The following NCEH1 variants were observed in gnomAD, a reference collection of about 807,000 sequenced individuals.
The protein encoded by NCEH1 is neutral cholesterol ester hydrolase 1.
In NCEH1, 9 loss-of-function variants were observed where a neutral mutation model predicts 25.4. The ratio of observed to expected loss-of-function variants is 0.35; its 90% CI spans 0.21 to 0.62. The LOEUF (loss-of-function observed/expected upper bound fraction) is 0.62. Among genes scored for constraint, NCEH1 ranks in the 20% least tolerant of loss-of-function variants. The pLI, the probability that NCEH1 is intolerant of heterozygous loss-of-function variation, is 0.72. For synonymous variants in NCEH1, 200 were observed against 199.8 expected (o/e 1.00, Z -0.01); for missense variants, 412 against 501.1 (o/e 0.82, Z 1.70).
At chr3:172,669,394 AG>A (rs1718380082) in intron 1 of NCEH1, among the ~76,000 whole-genome samples, 1 of 152,234 alleles carries the variant, frequency 6.6e-6, no homozygotes, top group East Asian at 1.9e-4. Flanking sequence ...ATTTGCCCTA[AG>A]GAAGTAGAAC....
chr3:172,653,711 T>G (rs1717520441), intron 1 of NCEH1, among the ~76,000 whole-genome samples: 1 of 135,598 alleles, frequency 7.4e-6, no homozygotes, highest in Non-Finnish European at 1.6e-5. Context: ...GAAAGTGGTT[T>G]GTTTTTGTTG....
chr3:172,708,441 C>T (rs773448969), intron 1 of NCEH1, among the ~76,000 whole-genome samples: 6 of 152,132 alleles, frequency 3.9e-5, no homozygotes, highest in Admixed American at 1.3e-4. Context: ...ACGCAACCTC[C>T]GCCTCCCAGG....
chr3:172,669,163 C>A (rs566136469), intron 1 of NCEH1, among the ~76,000 whole-genome samples: 2 of 152,180 alleles, frequency 1.3e-5, no homozygotes, highest in Non-Finnish European at 2.9e-5. Context: ...CGTTTTGATT[C>A]AACTTCTCAT....
intron 1 of NCEH1, among the ~76,000 whole-genome samples, chr3:172,668,669 C>T (rs1718344655): frequency 6.6e-6 from 1 of 151,740 alleles, no homozygotes; most frequent in Non-Finnish European, 1.5e-5. Context: ...TGAATTGACA[C>T]CAATGCTTTC....
intron 1 of NCEH1, among the ~76,000 whole-genome samples, chr3:172,675,940 C>T (rs755546214): frequency 4.6e-5 from 7 of 152,104 alleles, no homozygotes; most frequent in Non-Finnish European, 1.0e-4. Flanking sequence ...TATCTCTTTT[C>T]GCCTAGAAGC....
intron 2 of NCEH1, among the ~76,000 whole-genome samples, chr3:172,646,310 GAGC>G (rs1717118437): frequency 6.6e-6 from 1 of 152,164 alleles, no homozygotes; most frequent in African/African-American, 2.4e-5. Context: ...AGCTGTGATA[GAGC>G]CACTGTACTC....
intron 1 of NCEH1, among the ~76,000 whole-genome samples, chr3:172,654,886 A>C (rs1034979642): frequency 2.0e-5 from 3 of 152,200 alleles, no homozygotes; most frequent in Admixed American, 6.5e-5. Flanking sequence ...TATAAGAAAA[A>C]ATCTATAATC....
chr3:172,666,294 T>C (rs1718205513), intron 1 of NCEH1, among the ~76,000 whole-genome samples: 1 of 152,186 alleles, frequency 6.6e-6, no homozygotes, highest in Non-Finnish European at 1.5e-5. Context: ...CAGAACATCA[T>C]GGCAACCTGC....
intron 1 of NCEH1, among the ~76,000 whole-genome samples, chr3:172,694,052 C>T (rs1476149544): frequency 6.6e-6 from 1 of 152,222 alleles, no homozygotes; most frequent in Admixed American, 6.5e-5. Context: ...TGCCACCACA[C>T]CCAGCCAACT....
chr3:172,645,652 C>G lies in NCEH1; in HGVS notation c.408G>C (p.Glu136Asp), dbSNP rs777876515. ...YYDELCTAMAEELNAVIVSIE... is the reference protein window; with the variant it reads ...YYDELCTAMADELNAVIVSIE... Reference sequence around the variant, plus strand: ...TGGAAACAATGACAGCATTCAATTCCTCAGCCATTGCTGTACACAGCTCAT... The same window carrying G: ...TGGAAACAATGACAGCATTCAATTCGTCAGCCATTGCTGTACACAGCTCAT... Residue 136 changes from glutamate (E) to aspartate (D), a missense_variant, in exon 3 of 5, where the codon GAG (glutamate) becomes GAC (aspartate). Physicochemically the swap from Glu to Asp is conservative, Grantham distance 45 (BLOSUM62 2). Coordinates refer to ENST00000475381, the MANE Select transcript of NCEH1 (RefSeq NM_020792.6). 6.2e-7 allele frequency: 1 copy of G among 1,603,262 alleles called. No homozygotes were observed. Among genetic ancestry groups the G allele is most frequent in the South Asian group, 1.1e-5 (1 of 88,580 alleles).
intron 1 of NCEH1, among the ~76,000 whole-genome samples, chr3:172,666,278 T>C (rs1278305150): frequency 1.3e-5 from 2 of 152,192 alleles, no homozygotes; most frequent in African/African-American, 4.8e-5. Context: ...GATAACACCA[T>C]GTGTTCAGAA....
At chr3:172,658,634 G>A (rs961871367) in intron 1 of NCEH1, among the ~76,000 whole-genome samples, 1 of 152,090 alleles carries the variant, frequency 6.6e-6, no homozygotes, top group African/African-American at 2.4e-5. Flanking sequence ...TTCATGACAA[G>A]CTACAAAGCA....
chr3:172,702,978 C>T (rs928582777), intron 1 of NCEH1: 2 of 152,056 alleles, frequency 1.3e-5, no homozygotes, highest in Non-Finnish European at 2.9e-5. Context: ...GGTGACAGAG[C>T]AAGACCTTGT....
At position 172,700,187 on chromosome 3, in the gene NCEH1, G is replaced by C. The variant is rs529470683; in HGVS notation, c.138+10660C>G. On this transcript the variant is annotated intron_variant, in intron 1 of 4. Coordinates refer to ENST00000475381, the MANE Select transcript of NCEH1 (RefSeq NM_020792.6). ...AGTTGAATAATTGGCATCAGAGTTGGCATTCTATTTGAGAACCATTTGTGT... is the reference window on the plus strand; with the variant it reads ...AGTTGAATAATTGGCATCAGAGTTGCCATTCTATTTGAGAACCATTTGTGT... 5.3e-5 allele frequency among the ~76,000 whole-genome samples: 8 copies of C among 152,246 alleles called. No homozygotes were observed. In the East Asian group the frequency reaches 1.4e-3, roughly 26 times the overall value.
intron 1 of NCEH1, among the ~76,000 whole-genome samples, chr3:172,653,765 T>TTTTTTTTTTTTTTTTTTTTTTTTTTTTG (rs1717556500): frequency 7.4e-6 from 1 of 134,382 alleles, no homozygotes; most frequent in African/African-American, 3.0e-5. Flanking sequence ...TTTTTGTTTT[T>TTTTTTTTTTTTTTTTTTTTTTTTTTTTG]TTTTTTTTTT....
At chr3:172,657,529 C>G (rs970628685) in intron 1 of NCEH1, among the ~76,000 whole-genome samples, 2 of 152,316 alleles carry the variant, frequency 1.3e-5, no homozygotes, top group South Asian at 2.1e-4. Context: ...GCTCCACCCC[C>G]GCTCTCGTTG....
intron 1 of NCEH1, among the ~76,000 whole-genome samples, chr3:172,681,461 A>G (rs1274261965): frequency 6.6e-6 from 1 of 152,148 alleles, no homozygotes; most frequent in African/African-American, 2.4e-5. Flanking sequence ...TTTAACTTGA[A>G]ACTATTATTT....
intron 1 of NCEH1, among the ~76,000 whole-genome samples, chr3:172,697,765 T>C (rs1217044691): frequency 1.3e-5 from 2 of 152,134 alleles, no homozygotes; most frequent in African/African-American, 4.8e-5. Context: ...CAGACCTTGT[T>C]CACAGCCAAC....
chr3:172,687,832 GGTCA>G (rs2108525748), intron 1 of NCEH1, among the ~76,000 whole-genome samples: 1 of 152,302 alleles, frequency 6.6e-6, no homozygotes, highest in East Asian at 1.9e-4. Flanking sequence ...AACATGTGCA[GGTCA>G]GTCTCTGGCT....
Sources: gnomAD v4.1 joint callset for allele counts (sites outside exome capture counted in the v4.1 genomes callset) on GRCh38, gnomAD v4.1.1 for gene constraint, MANE v1.5 for transcripts, NCBI Gene and HGNC (gene_info 2026-07-23, HGNC 2026-07-21) for gene names.